Variants in SULF2 observed in about 807,000 individuals in gnomAD.
SULF2 encodes the protein extracellular sulfatase Sulf-2.
In SULF2, 52 loss-of-function variants were observed where a neutral mutation model predicts 107.7. The ratio of observed to expected loss-of-function variants is 0.48; its 90% CI spans 0.39 to 0.61. The LOEUF (loss-of-function observed/expected upper bound fraction) is 0.61. SULF2 is among the 20% of genes least tolerant of loss of function. The probability of loss-of-function intolerance (pLI) is 0.00; values close to 1 mark genes in which losing one functional copy is unlikely to be tolerated. For synonymous variants in SULF2, 460 were observed against 464.3 expected (o/e 0.99, Z 0.12); for missense variants, 993 against 1,177.3 (o/e 0.84, Z 2.29).
At chr20:47,721,281 C>T (rs902039586) in intron 3 of SULF2, among the ~76,000 whole-genome samples, 1 of 152,080 alleles carries the variant, frequency 6.6e-6, no homozygotes, top group African/African-American at 2.4e-5. Flanking sequence ...GTCATGATTC[C>T]GCACGAAAGA....
At chr20:47,785,772 C>T (rs1205192716), upstream of SULF2, 4 of 148,474 alleles carry the variant, frequency 2.7e-5, no homozygotes, top group Non-Finnish European at 6.0e-5. Flanking sequence ...CGGCTGGGGC[C>T]CGGGGCGCGG....
chr20:47,713,456 C>G (rs574144147), intron 3 of SULF2, among the ~76,000 whole-genome samples: 9 of 152,084 alleles, frequency 5.9e-5, no homozygotes, highest in Non-Finnish European at 8.8e-5. Context: ...GACAGGGTTG[C>G]AGTGTGGCTT....
chr20:47,785,439 C>CGCCGCT lies in SULF2; in HGVS notation c.-203_-198dup, dbSNP rs1260503697. The CGCCGCT allele has an allele frequency of 2.9e-4, 42 of 147,108 alleles. No individual in the cohort carries two copies. Among genetic ancestry groups the CGCCGCT allele is most frequent in the Admixed American group, 1.3e-3 (18 of 14,258 alleles). The allele number at this position is 147,108 out of a possible 1,614,324, so 9.1% of individuals were successfully genotyped here. On this transcript the variant is annotated 5_prime_UTR_variant, in exon 1 of 21. Transcript: ENST00000688720. The stretch of plus-strand genomic sequence containing the variant: ...CCGCTGGGCGCAGGGGACTCCGCGC[C>CGCCGCT]GCCGCTGCCGCTGCCGCCGCCGCCG...
rs1568895418 is a variant in SULF2 at position 47,746,993 on chromosome 20, A to AT, written c.176-10052_176-10051insA. 7.8e-3 allele frequency among the ~76,000 whole-genome samples: 813 copies of AT among 104,870 alleles called. 5 individuals carry two copies. Among genetic ancestry groups the AT allele is most frequent in the Middle Eastern group, 0.011 (2 of 186 alleles). 68.8% of individuals were successfully genotyped at this position (104,870 alleles called of 152,430 possible). On this transcript the variant is annotated intron_variant, in intron 2 of 20. Coordinates refer to ENST00000688720, the MANE Select transcript of SULF2 (RefSeq NM_001387048.1). ...AGAACTTAAATAAATAAAAAAAAAA[A>AT]AATATATATATATATATATATATAT...
chr20:47,772,434 C>A (rs1282797900), intron 1 of SULF2, among the ~76,000 whole-genome samples: 5 of 150,866 alleles, frequency 3.3e-5, no homozygotes, highest in African/African-American at 1.2e-4. Flanking sequence ...TAGATGGCAA[C>A]AGTATAAAGG....
At chr20:47,705,875 A>G (rs2088719809) in intron 3 of SULF2, among the ~76,000 whole-genome samples, 1 of 149,982 alleles carries the variant, frequency 6.7e-6, no homozygotes, top group African/African-American at 2.5e-5. Flanking sequence ...GTCGCCTCAC[A>G]GCAACCTTTG....
At chr20:47,768,882 GTT>G (rs11473246) in intron 1 of SULF2, among the ~76,000 whole-genome samples, 27 of 127,444 alleles carry the variant, frequency 2.1e-4, no homozygotes, top group East Asian at 2.5e-4. Flanking sequence ...TTGTGTGCGT[GTT>G]TTTTTTTTTT....
rs2088142081 is a variant in SULF2, at chr20:47,690,027, G to A, written c.737+99C>T. 4.4e-6 allele frequency: 5 copies of A among 1,144,802 alleles called. No homozygotes were observed. In the South Asian group the frequency reaches 1.8e-4, roughly 42 times the overall value. 70.9% of individuals were successfully genotyped at this position (1,144,802 alleles called of 1,614,324 possible). ...TTAAACCAGGAGGATTAGAGAGGAG[G>A]CACAGTGAAGTCATGGTGGTGACAG... On this transcript the variant is annotated intron_variant, in intron 5 of 20. Transcript: ENST00000688720.
rs201746425 is a variant in SULF2 at position 47,746,979 on chromosome 20, A to T, written c.176-10037T>A. On this transcript the variant is annotated intron_variant, in intron 2 of 20. Transcript: ENST00000688720. ...TGCACATGTACCCTAGAACTTAAAT[A>T]AATAAAAAAAAAAAAATATATATAT... Among the ~76,000 whole-genome samples the T allele has an allele frequency of 0.01, 540 of 52,176 alleles. 15 individuals carry two copies. In the East Asian group the frequency reaches 0.11, roughly 10 times the overall value. 34.2% of individuals were successfully genotyped at this position (52,176 alleles called of 152,430 possible).
In SULF2 at chr20:47,663,558, G is replaced by C. The variant is rs190217262; in HGVS notation, c.2122C>G (p.Arg708Gly). The C allele has an allele frequency of 2.7e-5, 44 of 1,612,168 alleles. No individual in the cohort carries two copies. The highest frequency in any genetic ancestry group is 3.7e-5 in the Non-Finnish European group (44 of 1,179,646). The change falls in exon 16 of 21, where the codon CGC becomes GGC. Residue 708 changes from arginine to glycine, a missense_variant. Physicochemically the swap from Arg to Gly is moderately radical, Grantham distance 125. Coordinates refer to ENST00000688720, the MANE Select transcript of SULF2 (RefSeq NM_001387048.1). ...LREQKRKKKL[R>G]KLLKRLQNND... is the part of the protein sequence containing the mutation. ...TTCTGCAGGCGCTTGAGCAGCTTGCGGAGTTTCTTCTTGCGCTTCTGCTCC... is the reference window on the plus strand; with the variant it reads ...TTCTGCAGGCGCTTGAGCAGCTTGCCGAGTTTCTTCTTGCGCTTCTGCTCC...
intron 3 of SULF2, among the ~76,000 whole-genome samples, chr20:47,719,828 G>A (rs2089234163): frequency 6.6e-6 from 1 of 152,236 alleles, no homozygotes; most frequent in East Asian, 1.9e-4. Context: ...ACTAATGGGT[G>A]TGGCTGTGTT....
chr20:47,661,671 C>G (rs1234682700), intron 18 of SULF2, 102 bp downstream of exon 18: 1 of 1,255,696 alleles, frequency 8.0e-7, no homozygotes, highest in Non-Finnish European at 1.1e-6. Flanking sequence ...CCTCCCAAAG[C>G]CTGGTGATTT....
intron 20 of SULF2, 34 bp from the exon 21 acceptor site, chr20:47,658,426 G>GCTAA: frequency 6.2e-7 from 1 of 1,611,460 alleles, no homozygotes; most frequent in East Asian, 2.2e-5. Flanking sequence ...TTAGCACTTA[G>GCTAA]CTATCATGGT....
intron 1 of SULF2, among the ~76,000 whole-genome samples, chr20:47,784,208 G>A (rs1600706741): frequency 6.6e-6 from 1 of 152,194 alleles, no homozygotes; most frequent in African/African-American, 2.4e-5. Context: ...AACAGGCAGG[G>A]GACAGATGGA....
At chr20:47,742,233 C>T (rs1327893904) in intron 2 of SULF2, among the ~76,000 whole-genome samples, 2 of 152,214 alleles carry the variant, frequency 1.3e-5, no homozygotes, top group Admixed American at 6.5e-5. Flanking sequence ...CCAGCCCCAG[C>T]CCTAATGCAG....
At chr20:47,723,064 C>A (rs1391807797) in intron 3 of SULF2, among the ~76,000 whole-genome samples, 1 of 151,470 alleles carries the variant, frequency 6.6e-6, no homozygotes, top group Non-Finnish European at 1.5e-5. Flanking sequence ...AAGACTCCGT[C>A]TCAAAAAAAA....
At chr20:47,780,838 G>A (rs2090819658) in intron 1 of SULF2, among the ~76,000 whole-genome samples, 1 of 152,202 alleles carries the variant, frequency 6.6e-6, no homozygotes, top group Non-Finnish European at 1.5e-5. Context: ...ATAGGCATGA[G>A]CCAGCACGCC....
chr20:47,695,868 C>T lies in SULF2; in HGVS notation c.568-5573G>A, dbSNP rs2088358890. On this transcript the variant is annotated intron_variant, in intron 4 of 20. Transcript: ENST00000688720. ...CCTCAAGTGATCCGCCTGGTTTGGC[C>T]TCCCAAAGTGCTGGGATTACAGGCA... 5.3e-5 allele frequency among the ~76,000 whole-genome samples: 8 copies of T among 152,376 alleles called. No individual in the cohort carries two copies. In the South Asian group the frequency reaches 1.4e-3, roughly 28 times the overall value.
intron 2 of SULF2, among the ~76,000 whole-genome samples, chr20:47,739,557 G>C (rs1192421029): frequency 6.6e-6 from 1 of 152,136 alleles, no homozygotes; most frequent in African/African-American, 2.4e-5. Flanking sequence ...TTCTTGGAGA[G>C]GCCTTCCCTG....
Sources: gnomAD v4.1 joint callset for allele counts (sites outside exome capture counted in the v4.1 genomes callset) on GRCh38, gnomAD v4.1.1 for gene constraint, MANE v1.5 for transcripts, NCBI Gene and HGNC (gene_info 2026-07-23, HGNC 2026-07-21) for gene names.